The following PARD3B variants were observed in gnomAD, a reference collection of about 807,000 sequenced individuals.
The protein encoded by PARD3B is par-3 family cell polarity regulator beta, also known as partitioning defective 3 homolog B.
In PARD3B, 103 loss-of-function variants were observed where a neutral mutation model predicts 130.2. The ratio of observed to expected loss-of-function variants is 0.79; its 90% CI spans 0.67 to 0.93. The LOEUF (loss-of-function observed/expected upper bound fraction) is 0.93, where lower values mean the gene tolerates loss of function less well. PARD3B is among the 40% of genes least tolerant of loss of function. PARD3B has a pLI of 0.00. For missense variants in PARD3B, 1,609 were observed against 1,499.2 expected (o/e 1.07, Z -1.21); for synonymous variants, 583 against 553.2 (o/e 1.05, Z -0.76).
intron 18 of PARD3B, among the ~76,000 whole-genome samples, chr2:205,399,114 C>T (rs1356859071): frequency 6.6e-6 from 1 of 151,530 alleles, no homozygotes; most frequent in African/African-American, 2.4e-5. Context: ...ACTAAAAATA[C>T]AAAAAATTAG....
chr2:205,543,646 T>G (rs1224569570), intron 21 of PARD3B, among the ~76,000 whole-genome samples: 3 of 152,206 alleles, frequency 2.0e-5, no homozygotes, highest in African/African-American at 7.2e-5. Context: ...TGTGTGACCC[T>G]TAGGCAAGTC....
chr2:205,139,901 C>T (rs1049625315), intron 10 of PARD3B, among the ~76,000 whole-genome samples: 2 of 152,230 alleles, frequency 1.3e-5, no homozygotes, highest in African/African-American at 2.4e-5. Flanking sequence ...AGAAGCCAAG[C>T]TTTTGCTGTC....
At chr2:204,836,499 C>G (rs1372556681) in intron 2 of PARD3B, among the ~76,000 whole-genome samples, 1 of 151,924 alleles carries the variant, frequency 6.6e-6, no homozygotes, top group East Asian at 1.9e-4. Context: ...CCCGTCTCTA[C>G]TAAAAATACA....
intron 9 of PARD3B, 152 bp downstream of exon 9, chr2:205,124,618 TTAAC>T: frequency 1.8e-6 from 1 of 568,736 alleles, no homozygotes; most frequent in Non-Finnish European, 2.4e-6. Flanking sequence ...GATAAGAACT[TTAAC>T]TATAGAACTG....
At position 205,301,430 on chromosome 2, in the gene PARD3B, G is replaced by C. The variant is rs2041992605; in HGVS notation, c.2393-34G>C. 1 of 1,582,594 alleles carries C rather than the reference G, an allele frequency of 6.3e-7. No homozygotes were observed. The highest frequency in any genetic ancestry group is 1.4e-5 in the African/African-American group (1 of 72,960). The stretch of plus-strand genomic sequence containing the variant: ...CTGTATACTAACTGAGTGTGCCCCT[G>C]ACCATGGGTATTGATTATTTTTTCT... On this transcript the variant is annotated intron_variant, in intron 17 of 22. Transcript: ENST00000406610. This position sits in a 1 kb window ranked among gnomAD's most constrained non-coding sequence, Gnocchi z 5.2.
chr2:205,082,919 CT>C lies in PARD3B; in HGVS notation c.505-21489del, dbSNP rs34303779. ...AATTACACCAAAAGTTAAAATATATCTTTTTTTTTTTTTTTTTTGAGACACA... is the reference window on the plus strand; with the variant it reads ...AATTACACCAAAAGTTAAAATATATCTTTTTTTTTTTTTTTTTGAGACACA... On this transcript the variant is annotated intron_variant, in intron 4 of 22. Coordinates refer to ENST00000406610, the MANE Select transcript of PARD3B (RefSeq NM_001302769.2). 6.4e-3 allele frequency among the ~76,000 whole-genome samples: 877 copies of C among 136,604 alleles called. 5 individuals are homozygous for C. The highest frequency in any genetic ancestry group is 0.015 in the African/African-American group (549 of 37,658). The allele number at this position is 136,604 out of a possible 152,430, so 89.6% of individuals were successfully genotyped here.
intron 4 of PARD3B, among the ~76,000 whole-genome samples, chr2:205,065,228 T>C (rs1700294824): frequency 6.6e-6 from 1 of 152,132 alleles, no homozygotes; most frequent in Admixed American, 6.5e-5. Flanking sequence ...ATGCCACAGA[T>C]AGAGTGAGAA....
chr2:205,185,972 A>T, intron 14 of PARD3B, 109 bp downstream of exon 14: 1 of 923,386 alleles, frequency 1.1e-6, no homozygotes, highest in South Asian at 1.4e-5. Flanking sequence ...TCTGGAATGG[A>T]AATCTTATAG....
At chr2:204,727,866 G>T (rs1486932763) in intron 2 of PARD3B, among the ~76,000 whole-genome samples, 1 of 152,120 alleles carries the variant, frequency 6.6e-6, no homozygotes, top group Non-Finnish European at 1.5e-5. Context: ...ATCCCTCTGT[G>T]TGCAGCCTCT....
At chr2:205,382,217 A>G (rs753767490) in intron 18 of PARD3B, among the ~76,000 whole-genome samples, 4 of 152,048 alleles carry the variant, frequency 2.6e-5, no homozygotes, top group Admixed American at 1.3e-4. Flanking sequence ...TGTGCTAGCT[A>G]TGTGACAGTT....
At chr2:205,433,532 CAAAAA>C (rs34275307) in intron 19 of PARD3B, among the ~76,000 whole-genome samples, 41 of 110,224 alleles carry the variant, frequency 3.7e-4, no homozygotes, top group East Asian at 7.9e-4. Flanking sequence ...GACTCTGTGT[CAAAAA>C]AAAAAAAAAA....
chr2:205,136,800 A>G (rs538293082), intron 10 of PARD3B, among the ~76,000 whole-genome samples: 1 of 152,284 alleles, frequency 6.6e-6, no homozygotes, highest in Middle Eastern at 3.4e-3. Context: ...ATAATCAAAG[A>G]AAGGTTGATG....
chr2:205,365,849 G>T (rs1441566205), intron 18 of PARD3B, among the ~76,000 whole-genome samples: 2 of 152,144 alleles, frequency 1.3e-5, no homozygotes, highest in Non-Finnish European at 2.9e-5. Context: ...GAAGAAAAAT[G>T]ACAACTGCCT....
intron 4 of PARD3B, among the ~76,000 whole-genome samples, chr2:205,101,991 A>G (rs1702817943): frequency 6.6e-6 from 1 of 152,126 alleles, no homozygotes; most frequent in Non-Finnish European, 1.5e-5. Context: ...ACTTAATTGT[A>G]CTCTTTAAAA....
chr2:204,570,183 T>C (rs4673304), intron 1 of PARD3B, among the ~76,000 whole-genome samples: 111,917 of 151,996 alleles, frequency 0.74, 42,402 homozygotes, highest in Non-Finnish European at 0.83. Flanking sequence ...AAAGTATGAA[T>C]TCACATCTGC....
chr2:204,777,929 G>A (rs549634141), intron 2 of PARD3B, among the ~76,000 whole-genome samples: 7 of 152,088 alleles, frequency 4.6e-5, no homozygotes, highest in Non-Finnish European at 7.4e-5. Context: ...CATGAGCTCT[G>A]ATGGTTTTAT....
intron 3 of PARD3B, among the ~76,000 whole-genome samples, chr2:205,004,860 A>T (rs995574921): frequency 6.6e-6 from 1 of 152,144 alleles, no homozygotes; most frequent in Admixed American, 6.5e-5. Flanking sequence ...CGTTTGTTTC[A>T]GTCTTTCAAT....
intron 2 of PARD3B, among the ~76,000 whole-genome samples, chr2:204,761,974 G>T (rs1477361802): frequency 6.6e-6 from 1 of 151,720 alleles, no homozygotes; most frequent in Admixed American, 6.6e-5. Context: ...TTATGCTCCT[G>T]GGTTGGATAC....
At chr2:205,452,364 G>C (rs2048130582) in intron 20 of PARD3B, among the ~76,000 whole-genome samples, 1 of 152,208 alleles carries the variant, frequency 6.6e-6, no homozygotes, top group African/African-American at 2.4e-5. Flanking sequence ...GTGTGGCTGT[G>C]TGTAGGGACT....
Sources: gnomAD v4.1 joint callset for allele counts (sites outside exome capture counted in the v4.1 genomes callset) on GRCh38, gnomAD v4.1.1 for gene constraint, Gnocchi (gnomAD v3.1) non-coding constraint, MANE v1.5 for transcripts, NCBI Gene and HGNC (gene_info 2026-07-23, HGNC 2026-07-21) for gene names.